TMEM63C: variants seen among roughly 807,000 people sequenced by gnomAD.
The protein encoded by TMEM63C is osmosensitive cation channel TMEM63C.
A neutral mutation model predicts 99.2 loss-of-function variants in TMEM63C; 32 were observed. The observed-to-expected ratio is 0.32, with a 90% confidence interval of 0.24 to 0.43. TMEM63C has a LOEUF of 0.43. Ranked by LOEUF, TMEM63C falls within the 20% of genes least tolerant of loss-of-function variation. TMEM63C has a pLI of 1.00. For synonymous variants in TMEM63C, 376 were observed against 397.9 expected (o/e 0.94, Z 0.66); for missense variants, 826 against 1,053.0 (o/e 0.78, Z 2.98).
chr14:77,249,361 A>T lies in TMEM63C; in HGVS notation c.1941A>T (p.Lys647Asn), dbSNP rs1368068417. ...TGTACTACTCCTTTGCACCCACCAAACTGAACGAGCAGATCCACATGGCTG... is the reference window on the plus strand; with the variant it reads ...TGTACTACTCCTTTGCACCCACCAATCTGAACGAGCAGATCCACATGGCTG... The part of the protein sequence containing the change: ...YNMYYSFAPT[K>N]LNEQIHMAAV... The change falls in exon 21 of 24, where the codon AAA (lysine) becomes AAT (asparagine). Residue 647 changes from lysine (K) to asparagine (N), a missense_variant. Coordinates refer to ENST00000298351, the MANE Select transcript of TMEM63C (RefSeq NM_020431.4). The T allele has an allele frequency of 6.2e-7, 1 of 1,613,774 alleles. No homozygotes were observed. Among genetic ancestry groups the T allele is most frequent in the Non-Finnish European group, 8.5e-7 (1 of 1,179,834 alleles).
In TMEM63C at chr14:77,238,334, A is replaced by G. The variant is rs147653376; in HGVS notation, c.652-360A>G. On this transcript the variant is annotated intron_variant, in intron 9 of 23. Coordinates refer to ENST00000298351, the MANE Select transcript of TMEM63C (RefSeq NM_020431.4). Reference sequence around the variant, plus strand: ...GGGGTCGCTCTGGCAGCTCTTTCCAATCATGGAGCTCTGATCCTCCACCCC... The same window carrying G: ...GGGGTCGCTCTGGCAGCTCTTTCCAGTCATGGAGCTCTGATCCTCCACCCC... Among the ~76,000 whole-genome samples, 574 of 152,254 alleles carry G rather than the reference A, an allele frequency of 3.8e-3. 3 individuals carry two copies. Among genetic ancestry groups the G allele is most frequent in the African/African-American group, 0.013 (542 of 41,542 alleles).
At position 77,253,968 on chromosome 14, in the gene TMEM63C, A is replaced by C. The variant is rs547332913; in HGVS notation, c.2220+592A>C. ...CTGCCACAAATGCAGCTTCAGAGCC[A>C]CCAATGCACACACTGAGGTGGGTAC... On this transcript the variant is annotated intron_variant, in intron 23 of 23. Coordinates refer to ENST00000298351, the MANE Select transcript of TMEM63C (RefSeq NM_020431.4). 5.0e-3 allele frequency among the ~76,000 whole-genome samples: 768 copies of C among 152,306 alleles called. 10 individuals carry two copies. Among genetic ancestry groups the C allele is most frequent in the African/African-American group, 0.018 (747 of 41,568 alleles).
rs1029647705 is a variant in TMEM63C, at chr14:77,258,856, T to C, written c.*2130T>C. The C allele has an allele frequency of 6.6e-6, 1 of 152,274 alleles. No homozygotes were observed. Among genetic ancestry groups the C allele is most frequent in the Non-Finnish European group, 1.5e-5 (1 of 68,134 alleles). The allele number at this position is 152,274 out of a possible 1,614,324, so 9.4% of individuals were successfully genotyped here. A position where few individuals can be genotyped will look rare whatever the true frequency, so the allele number is the denominator to read the frequency against. ...ATATGGGAAAAGTCCTGGCAGACAA[T>C]GTGGCGGGATGACTGGGGGCTTCTC... On this transcript the variant is annotated 3_prime_UTR_variant, in exon 24 of 24. Coordinates refer to ENST00000298351, the MANE Select transcript of TMEM63C (RefSeq NM_020431.4).
At chr14:77,207,016 C>T (rs1345766514) in intron 1 of TMEM63C, among the ~76,000 whole-genome samples, 1 of 134,908 alleles carries the variant, frequency 7.4e-6, no homozygotes, top group Non-Finnish European at 1.7e-5. Context: ...CCCTGAGTCA[C>T]TGCCCAGCTC....
chr14:77,248,967 G>A (rs1052665232), intron 20 of TMEM63C, 95 bp downstream of exon 20: 1 of 1,238,434 alleles, frequency 8.1e-7, no homozygotes, highest in Non-Finnish European at 1.2e-6. Flanking sequence ...CTGGAGCATG[G>A]GGAGACCTGT....
At chr14:77,224,124 C>T (rs762354415) in intron 5 of TMEM63C, among the ~76,000 whole-genome samples, 9 of 151,976 alleles carry the variant, frequency 5.9e-5, no homozygotes, top group African/African-American at 1.4e-4. Flanking sequence ...TGAACACCCT[C>T]GAGTGGCCAT....
intron 1 of TMEM63C, among the ~76,000 whole-genome samples, chr14:77,210,950 T>C (rs542730910): frequency 2.6e-5 from 4 of 152,164 alleles, no homozygotes; most frequent in Non-Finnish European, 5.9e-5. Flanking sequence ...GTGGCTATAG[T>C]GATTCTCTAA....
At chr14:77,253,517 C>G in intron 23 of TMEM63C, 141 bp downstream of exon 23, 14 of 786,586 alleles carry the variant, frequency 1.8e-5, no homozygotes, top group Non-Finnish European at 2.1e-5. Context: ...GCTCCCTCCT[C>G]TAATGGAGCA....
intron 5 of TMEM63C, 50 bp from the exon 6 acceptor site, chr14:77,225,374 G>C (rs1204932156): frequency 6.2e-7 from 1 of 1,600,290 alleles, no homozygotes; most frequent in South Asian, 1.1e-5. Flanking sequence ...GAGCTGGGCA[G>C]GGCAGGCCAG....
chr14:77,195,012 AGGAGGC>A (rs1341450786), intron 1 of TMEM63C, among the ~76,000 whole-genome samples: 2 of 152,094 alleles, frequency 1.3e-5, no homozygotes, highest in African/African-American at 4.8e-5. Flanking sequence ...TTAACTATCT[AGGAGGC>A]GGAGGCGAGA....
At chr14:77,228,442 G>T (rs548206684) in intron 6 of TMEM63C, among the ~76,000 whole-genome samples, 4 of 152,060 alleles carry the variant, frequency 2.6e-5, no homozygotes, top group Non-Finnish European at 5.9e-5. Flanking sequence ...ACGTTTAGCC[G>T]CTCAAAGTTA....
chr14:77,246,638 A>C lies in TMEM63C; in HGVS notation c.1565A>C (p.Asp522Ala). 6.2e-7 allele frequency: 1 copy of C among 1,613,446 alleles called. No individual in the cohort carries two copies. Among genetic ancestry groups the C allele is most frequent in the Non-Finnish European group, 8.5e-7 (1 of 1,179,710 alleles). ...SLDVFLRWLFDIYYLEQASIR... is the reference protein window; with the variant it reads ...SLDVFLRWLFAIYYLEQASIR... ...GATGTCTTTCTCCGCTGGCTCTTTG[A>C]CATCTACTATCTAGAGCAAGCATCC... The change falls in exon 18 of 24, where the codon GAC becomes GCC. Residue 522 changes from aspartate to alanine, a missense_variant. Asp to Ala is a moderately radical substitution (Grantham distance 126). Transcript: ENST00000298351.
intron 20 of TMEM63C, 47 bp downstream of exon 20, chr14:77,248,919 GGGA>G: frequency 6.6e-7 from 1 of 1,507,560 alleles, no homozygotes; most frequent in Non-Finnish European, 9.2e-7. Flanking sequence ...TCCGCAGATG[GGGA>G]GGAGGAATTG....
intron 5 of TMEM63C, among the ~76,000 whole-genome samples, chr14:77,224,325 G>T (rs1888778925): frequency 6.6e-6 from 1 of 152,024 alleles, no homozygotes; most frequent in Non-Finnish European, 1.5e-5. Context: ...CCTGTGTCAG[G>T]TTGGCTGATA....
intron 13 of TMEM63C, 99 bp from the exon 14 acceptor site, chr14:77,242,248 G>T (rs1215740372): frequency 7.3e-7 from 1 of 1,368,044 alleles, no homozygotes; most frequent in Non-Finnish European, 1.0e-6. Flanking sequence ...CCCATCTGTA[G>T]GACCACCATA....
intron 2 of TMEM63C, among the ~76,000 whole-genome samples, chr14:77,214,405 G>C (rs998509620): frequency 6.6e-6 from 1 of 151,912 alleles, no homozygotes; most frequent in Admixed American, 6.6e-5. Context: ...CCAGCTCCTC[G>C]GTCTCCTCAC....
At chr14:77,188,224 C>T (rs1888036790) in intron 1 of TMEM63C, among the ~76,000 whole-genome samples, 1 of 152,130 alleles carries the variant, frequency 6.6e-6, no homozygotes. Flanking sequence ...CCTTGAATGC[C>T]CTTAACACTT....
intron 1 of TMEM63C, chr14:77,201,107 A>C (rs1213720615): frequency 6.6e-6 from 1 of 152,024 alleles, no homozygotes; most frequent in Non-Finnish European, 1.5e-5. Flanking sequence ...CACCCACAGC[A>C]AAAGAGAAGC....
intron 13 of TMEM63C, among the ~76,000 whole-genome samples, chr14:77,240,931 C>CTTTTTTTT (rs575279817): frequency 7.8e-6 from 1 of 128,482 alleles, no homozygotes; most frequent in Non-Finnish European, 1.6e-5. Context: ...TTCCCTTTTT[C>CTTTTTTTT]TTTTTTTTTT....
Sources: allele counts gnomAD v4.1 joint callset (sites outside exome capture counted in the v4.1 genomes callset), GRCh38; gene constraint gnomAD v4.1.1; transcripts MANE v1.5; gene names NCBI Gene and HGNC (gene_info 2026-07-23, HGNC 2026-07-21).